LATS1: variants seen among roughly 807,000 people sequenced by gnomAD.
LATS1 encodes the protein serine/threonine-protein kinase LATS1.
In LATS1, 25 loss-of-function variants were observed where a neutral mutation model predicts 106.6. The observed-to-expected ratio is 0.23, with a 90% CI of 0.17 to 0.33. The LOEUF is 0.33. Ranked by LOEUF, LATS1 falls within the 10% of genes least tolerant of loss-of-function variation. The probability of loss-of-function intolerance (pLI) is 1.00; values close to 1 mark genes in which losing one functional copy is unlikely to be tolerated. For synonymous variants in LATS1, 465 were observed against 455.6 expected (o/e 1.02, Z -0.26); for missense variants, 1,040 against 1,382.6 (o/e 0.75, Z 3.93).
intron 7 of LATS1, among the ~76,000 whole-genome samples, chr6:149,670,049 G>A (rs1207225401): frequency 2.0e-5 from 3 of 151,016 alleles, no homozygotes; most frequent in African/African-American, 7.3e-5. Context: ...GAGGGCACCT[G>A]TAATCCCAGC....
chr6:149,709,277 A>G (rs2115003787), intron 1 of LATS1, among the ~76,000 whole-genome samples: 1 of 152,324 alleles, frequency 6.6e-6, no homozygotes, highest in Admixed American at 6.5e-5. Context: ...CTGACAAAAC[A>G]GACTCTCTGT....
intron 7 of LATS1, among the ~76,000 whole-genome samples, chr6:149,665,228 G>T (rs1474183049): frequency 1.3e-5 from 2 of 152,138 alleles, no homozygotes; most frequent in Non-Finnish European, 2.9e-5. Context: ...GGGTGTGGTG[G>T]TGCATACCTG....
rs549396365 is a variant in LATS1, at chr6:149,696,911, T to C, written c.349-1690A>G. Among the ~76,000 whole-genome samples the C allele has an allele frequency of 9.2e-5, 14 of 152,248 alleles. No homozygotes were observed. In the South Asian group the frequency reaches 2.5e-3, roughly 27 times the overall value. On this transcript the variant is annotated intron_variant, in intron 2 of 7. Coordinates refer to ENST00000543571, the MANE Select transcript of LATS1 (RefSeq NM_004690.4). ...AGTGTCTTTGCCTGTAATAGGCTCA[T>C]AGGGTTGATGTGAGGATTAAATAAG...
At chr6:149,708,607 C>CAT (rs2115000531) in intron 1 of LATS1, among the ~76,000 whole-genome samples, 1 of 152,172 alleles carries the variant, frequency 6.6e-6, no homozygotes, top group East Asian at 1.9e-4. Flanking sequence ...GCAGATGTAA[C>CAT]ATATCTCAAT....
intron 3 of LATS1, among the ~76,000 whole-genome samples, chr6:149,687,811 C>T (rs1370099953): frequency 6.6e-6 from 1 of 151,992 alleles, no homozygotes; most frequent in Admixed American, 6.6e-5. Context: ...TCAAGCAATC[C>T]TCCCACCTTG....
chr6:149,683,852 T>G lies in LATS1; in HGVS notation c.1237A>C (p.Asn413His). The G allele has an allele frequency of 1.2e-6, 2 of 1,614,112 alleles. No homozygotes were observed. ...AGTTCCATGTTATGACTATTTCTGTTTGGCACCATCATAGACTGAGGAATA... is the reference window on the plus strand; with the variant it reads ...AGTTCCATGTTATGACTATTTCTGTGTGGCACCATCATAGACTGAGGAATA... ...GSIPQSMMVP[N>H]RNSHNMELYN... Residue 413 changes from asparagine to histidine, a missense_variant, in exon 4 of 8, where the codon AAC (asparagine) becomes CAC (histidine). Around this residue, in one of 7 missense-constraint regions of LATS1, gnomAD observed 624 missense variants for 714.8 expected, o/e 0.87. Coordinates refer to ENST00000543571, the MANE Select transcript of LATS1 (RefSeq NM_004690.4).
At position 149,718,081 on chromosome 6, in the gene LATS1, TCGC is replaced by T. The variant is rs372370239; in HGVS notation, c.-376_-374del. 18 of 302,538 alleles carry T rather than the reference TCGC, an allele frequency of 5.9e-5. No individual in the cohort carries two copies. Among genetic ancestry groups the T allele is most frequent in the Non-Finnish European group, 8.4e-5 (13 of 154,722 alleles). 18.7% of individuals were successfully genotyped at this position (302,538 alleles called of 1,614,324 possible). A position where few individuals can be genotyped will look rare whatever the true frequency, so the allele number is the denominator to read the frequency against. On this transcript the variant is annotated 5_prime_UTR_variant, in exon 1 of 8. Transcript: ENST00000543571. ...CCGCCATTTTGCCTTCCACTCAGTG[TCGC>T]CGCCGCCGCACTCCGCTGCAGGTTT...
rs1391785311 is a variant in LATS1, at chr6:149,660,996, A to T, written c.*733T>A. The T allele has an allele frequency of 9.5e-6, 2 of 210,184 alleles. No individual in the cohort carries two copies. Among genetic ancestry groups the T allele is most frequent in the Non-Finnish European group, 1.9e-5 (2 of 103,580 alleles). The allele number at this position is 210,184 out of a possible 1,614,324, so 13.0% of individuals were successfully genotyped here. On this transcript the variant is annotated 3_prime_UTR_variant, in exon 8 of 8. Transcript: ENST00000543571. ...GTTCCCTTTTAAAATTGGAAGCAGC[A>T]TCAAAAATACCAATATGGAAAAAAA...
intron 1 of LATS1, among the ~76,000 whole-genome samples, chr6:149,713,387 C>A (rs763011849): frequency 1.3e-5 from 2 of 151,976 alleles, no homozygotes; most frequent in Non-Finnish European, 2.9e-5. Context: ...CTCTGCCTCC[C>A]GGGTTCAAGC....
Position 149,717,911 on chromosome 6 carries a change from C to T in LATS1, c.-203G>A. 2.7e-6 allele frequency: 1 copy of T among 368,660 alleles called. No homozygotes were observed. The highest frequency in any genetic ancestry group is 5.3e-6 in the Non-Finnish European group (1 of 189,476). 22.8% of individuals were successfully genotyped at this position (368,660 alleles called of 1,614,324 possible). A position where few individuals can be genotyped will look rare whatever the true frequency, so the allele number is the denominator to read the frequency against. ...GGCCTGAGGGCGGACGCTGAGGCGGCCAGAGTCCGTCCCAGCAACCCCAAG... is the reference window on the plus strand; with the variant it reads ...GGCCTGAGGGCGGACGCTGAGGCGGTCAGAGTCCGTCCCAGCAACCCCAAG... On this transcript the variant is annotated 5_prime_UTR_variant, in exon 1 of 8. Transcript: ENST00000543571.
intron 1 of LATS1, among the ~76,000 whole-genome samples, chr6:149,711,386 A>T (rs1174748027): frequency 2.6e-5 from 4 of 152,190 alleles, no homozygotes; most frequent in Admixed American, 2.0e-4. Context: ...CTACTAAAAA[A>T]TACAAAAATT....
In LATS1 at chr6:149,709,733, T is replaced by A. The variant is rs570336640; in HGVS notation, c.-140-7467A>T. 8.3e-5 allele frequency among the ~76,000 whole-genome samples: 12 copies of A among 144,140 alleles called. No homozygotes were observed. The East Asian group carries it at 2.7e-3, about 32-fold the overall frequency. The allele number at this position is 144,140 out of a possible 152,430, so 94.6% of individuals were successfully genotyped here. On this transcript the variant is annotated intron_variant, in intron 1 of 7. Transcript: ENST00000543571. Reference sequence around the variant, plus strand: ...CTCTGTTGCCCAGGTTGGAATGCAGTGGCTTGATCTTGGCTCACCACAATC... The same window carrying A: ...CTCTGTTGCCCAGGTTGGAATGCAGAGGCTTGATCTTGGCTCACCACAATC...
intron 1 of LATS1, among the ~76,000 whole-genome samples, chr6:149,715,489 G>A (rs1784333115): frequency 6.6e-6 from 1 of 151,976 alleles, no homozygotes; most frequent in Admixed American, 6.6e-5. Flanking sequence ...TTCTTGTTCT[G>A]AGTTCAGGTG....
At position 149,683,427 on chromosome 6, in the gene LATS1, T is replaced by G. The variant is rs748279963; in HGVS notation, c.1662A>C (p.Gly554=). The G allele has an allele frequency of 1.9e-6, 3 of 1,614,028 alleles. No homozygotes were observed. In the East Asian group the frequency reaches 6.7e-5, roughly 36 times the overall value. ...GATGTTTTGGGTAGGGTGGTGGTGGTCCTTGATAGTTTGGAGCTTCAGCAA... is the reference window on the plus strand; with the variant it reads ...GATGTTTTGGGTAGGGTGGTGGTGGGCCTTGATAGTTTGGAGCTTCAGCAA... ...PPVAEAPNYQ[G]PPPPYPKHLL... The change falls in exon 4 of 8, where the codon GGA becomes GGC. Residue 554 remains glycine, a synonymous_variant. Coordinates refer to ENST00000543571, the MANE Select transcript of LATS1 (RefSeq NM_004690.4).
intron 2 of LATS1, among the ~76,000 whole-genome samples, chr6:149,697,638 T>C (rs1434395149): frequency 6.6e-6 from 1 of 152,244 alleles, no homozygotes; most frequent in Non-Finnish European, 1.5e-5. Flanking sequence ...AAGTGAACTC[T>C]ATATGTATTT....
At chr6:149,663,594 T>C (rs1295029294) in intron 7 of LATS1, among the ~76,000 whole-genome samples, 1 of 152,184 alleles carries the variant, frequency 6.6e-6, no homozygotes, top group East Asian at 1.9e-4. Flanking sequence ...AGTCAGCTAC[T>C]ATAGAGGGAA....
chr6:149,709,768 C>T (rs1279556672), intron 1 of LATS1, among the ~76,000 whole-genome samples: 2 of 150,782 alleles, frequency 1.3e-5, no homozygotes, highest in East Asian at 2.0e-4. Context: ...CTCCGCCTCC[C>T]GGTTTCAAGT....
chr6:149,708,752 C>T (rs183747475), intron 1 of LATS1, among the ~76,000 whole-genome samples: 54 of 152,334 alleles, frequency 3.5e-4, no homozygotes, highest in African/African-American at 1.3e-3. Context: ...GAGAACCCTA[C>T]TGACTCCCAC....
In LATS1 at chr6:149,693,591, CAG is replaced by C. The variant is rs1782895446; in HGVS notation, c.496+1481_496+1482del. Among the ~76,000 whole-genome samples, 4 of 151,120 alleles carry C rather than the reference CAG, an allele frequency of 2.6e-5. No individual in the cohort carries two copies. In the South Asian group the frequency reaches 8.4e-4, roughly 32 times the overall value. On this transcript the variant is annotated intron_variant, in intron 3 of 7. Transcript: ENST00000543571. ...CGCCACTGCACTCCGGCCTGGGTGA[CAG>C]AGTGAGACTCCATCTCAAAAACAAA...
Sources: gnomAD v4.1 joint callset for allele counts (sites outside exome capture counted in the v4.1 genomes callset) on GRCh38, gnomAD v4.1.1 for gene constraint, gnomAD v4.1.1 regional missense constraint, MANE v1.5 for transcripts, NCBI Gene and HGNC (gene_info 2026-07-23, HGNC 2026-07-21) for gene names.